DROSHA: variants seen among roughly 807,000 people sequenced by gnomAD.
DROSHA encodes the protein ribonuclease 3.
In DROSHA, 56 loss-of-function variants were observed where a neutral mutation model predicts 181.9. The observed-to-expected ratio is 0.31, with a 90% CI of 0.25 to 0.38. DROSHA has a LOEUF of 0.38. Among genes scored for constraint, DROSHA ranks in the 10% least tolerant of loss-of-function variants. The pLI is 1.00. For missense variants in DROSHA, 1,218 were observed against 1,743.5 expected (o/e 0.70, Z 5.37); for synonymous variants, 524 against 591.2 (o/e 0.89, Z 1.65).
At position 31,514,945 on chromosome 5, in the gene DROSHA, CG is replaced by C. The variant is rs775572766; in HGVS notation, c.1290+42del. ...CCCCAAAGGCCAATAGTGACAACGC[CG>C]AGAAGCCCTAGTCTACAGCTTGTCT... On this transcript the variant is annotated intron_variant, in intron 8 of 35. Coordinates refer to ENST00000344624, the MANE Select transcript of DROSHA (RefSeq NM_001382508.1). The surrounding 1 kb of genome is among the most constrained non-coding windows in gnomAD (Gnocchi z 4.4). 30 of 1,581,338 alleles carry C rather than the reference CG, an allele frequency of 1.9e-5. No homozygotes were observed. The highest frequency in any genetic ancestry group is 2.6e-5 in the Non-Finnish European group (30 of 1,157,120).
intron 34 of DROSHA, 30 bp from the exon 35 acceptor site, chr5:31,405,753 T>A: frequency 8.0e-7 from 1 of 1,246,624 alleles, no homozygotes; most frequent in South Asian, 1.5e-5. Flanking sequence ...AAGACATACT[T>A]TAATTTCAAG....
chr5:31,456,599 C>T (rs185368205), intron 20 of DROSHA, among the ~76,000 whole-genome samples: 70 of 151,862 alleles, frequency 4.6e-4, no homozygotes, highest in African/African-American at 1.6e-3. Flanking sequence ...CAAGCCTTCC[C>T]GAATACAAAG....
chr5:31,431,115 A>G (rs1744123855), intron 26 of DROSHA, among the ~76,000 whole-genome samples: 1 of 152,220 alleles, frequency 6.6e-6, no homozygotes, highest in Non-Finnish European at 1.5e-5. Context: ...ACAGTTATAC[A>G]GACTCAAACC....
intron 11 of DROSHA, among the ~76,000 whole-genome samples, chr5:31,504,328 T>A (rs1737655279): frequency 6.6e-6 from 1 of 152,178 alleles, no homozygotes; most frequent in Non-Finnish European, 1.5e-5. Flanking sequence ...CATGCCTATT[T>A]TAAATAATAA....
chr5:31,494,800 G>A (rs886377872), intron 12 of DROSHA, among the ~76,000 whole-genome samples: 5 of 151,440 alleles, frequency 3.3e-5, no homozygotes, highest in Admixed American at 6.6e-5. Flanking sequence ...TCAGCCTCCC[G>A]AGTAGCTGGG....
chr5:31,433,585 C>G (rs1744439771), intron 25 of DROSHA, among the ~76,000 whole-genome samples: 1 of 152,086 alleles, frequency 6.6e-6, no homozygotes, highest in Non-Finnish European at 1.5e-5. Context: ...TGCTCTGTTG[C>G]CCAGGCTGGA....
intron 12 of DROSHA, among the ~76,000 whole-genome samples, chr5:31,493,961 G>C (rs1411667758): frequency 2.0e-5 from 3 of 148,838 alleles, no homozygotes; most frequent in African/African-American, 5.2e-5. Context: ...GTGTGTGTGT[G>C]TGTGTGTGTG....
chr5:31,484,938 G>A lies in DROSHA; in HGVS notation c.1939C>T (p.Leu647Phe). Residue 647 changes from leucine (L) to phenylalanine (F), a missense_variant, in exon 15 of 36, where the codon CTC becomes TTC. This residue lies in a region of DROSHA where 460 missense variants were observed against 774.2 expected (regional missense o/e 0.59). Coordinates refer to ENST00000344624, the MANE Select transcript of DROSHA (RefSeq NM_001382508.1). ...PENFCVKGLE[L>F]FSLFLFRDIL... is the part of the protein sequence containing the mutation. ...TCTCTGAATAGGAACAGTGAAAAGAGTTCAAGCCCTTTCACACAAAAATTC... is the reference window on the plus strand; with the variant it reads ...TCTCTGAATAGGAACAGTGAAAAGAATTCAAGCCCTTTCACACAAAAATTC... 1 of 1,544,346 alleles carries A rather than the reference G, an allele frequency of 6.5e-7. No individual in the cohort carries two copies. The highest frequency in any genetic ancestry group is 8.7e-7 in the Non-Finnish European group (1 of 1,145,274).
intron 29 of DROSHA, 141 bp from the exon 30 acceptor site, chr5:31,421,518 C>T: frequency 1.5e-6 from 1 of 661,840 alleles, no homozygotes; most frequent in Admixed American, 2.7e-5. Context: ...ATACAATTCC[C>T]TAAGGCCCCT....
intron 23 of DROSHA, among the ~76,000 whole-genome samples, chr5:31,447,927 A>T (rs1329412125): frequency 6.6e-6 from 1 of 152,240 alleles, no homozygotes; most frequent in Non-Finnish European, 1.5e-5. Flanking sequence ...TGGTACAGCC[A>T]CTTCAGAAAA....
chr5:31,410,581 A>G (rs1489341784), intron 31 of DROSHA, among the ~76,000 whole-genome samples, 165 bp downstream of exon 31: 2 of 152,268 alleles, frequency 1.3e-5, no homozygotes, highest in Non-Finnish European at 2.9e-5. Flanking sequence ...TCTTAGTTTC[A>G]AATTATTTTC....
chr5:31,480,590 G>C (rs925599626), intron 16 of DROSHA, among the ~76,000 whole-genome samples: 4 of 152,044 alleles, frequency 2.6e-5, no homozygotes, highest in Non-Finnish European at 5.9e-5. Context: ...CAGTATTTAT[G>C]TTATAGTTCA....
chr5:31,470,262 T>C lies in DROSHA; in HGVS notation c.2241+1801A>G, dbSNP rs1749583126. 6.6e-6 allele frequency among the ~76,000 whole-genome samples: 1 copy of C among 152,176 alleles called. No homozygotes were observed. The highest frequency in any genetic ancestry group is 6.5e-5 in the Admixed American group (1 of 15,272). ...CCAATAATTTCTACAATTTCTCAAT[T>C]CCTCAGAGATCTTACTGTTTAGGAA... On this transcript the variant is annotated intron_variant, in intron 17 of 35. Transcript: ENST00000344624. The surrounding 1 kb of genome is among the most constrained non-coding windows in gnomAD (Gnocchi z 4.0).
In DROSHA at chr5:31,472,224, T is replaced by C; in HGVS notation, c.2080A>G (p.Lys694Glu). The change falls in exon 17 of 36, where the codon AAG becomes GAG. Residue 694 changes from lysine to glutamate, a missense_variant. Lys to Glu is a moderately conservative substitution (Grantham distance 56, BLOSUM62 1). This residue lies in a region of DROSHA where 460 missense variants were observed against 774.2 expected (regional missense o/e 0.59). Transcript: ENST00000344624. ...RFVRFLPDGGKEVLSMHQILL... is the reference protein window; with the variant it reads ...RFVRFLPDGGEEVLSMHQILL... ...ATCTGGTGCATGGACAGCACTTCCT[T>C]TCCTCCATCTTGGGTGGGAATGGGA... 6.2e-7 allele frequency: 1 copy of C among 1,605,180 alleles called. No homozygotes were observed. The highest frequency in any genetic ancestry group is 1.1e-5 in the South Asian group (1 of 89,532).
intron 27 of DROSHA, among the ~76,000 whole-genome samples, chr5:31,428,181 G>A (rs964039112): frequency 6.7e-6 from 1 of 149,750 alleles, no homozygotes; most frequent in Non-Finnish European, 1.5e-5. Context: ...ACAGACTGAT[G>A]CAATTAAAGA....
At position 31,451,547 on chromosome 5, in the gene DROSHA, G is replaced by A. The variant is rs267600599; in HGVS notation, c.2668C>T (p.Arg890Cys). 2 of 1,610,816 alleles carry A rather than the reference G, an allele frequency of 1.2e-6. No individual in the cohort carries two copies. The highest frequency in any genetic ancestry group is 1.7e-6 in the Non-Finnish European group (2 of 1,178,462). ...ATAATTCTTACCTGCAACAGACAAC[G>A]ATCTTGGAAAGTATATCCTATCAAC... is the stretch of plus-strand genomic sequence containing the variant. ...DKLIGYTFQD[R>C]CLLQLAMTHP... Residue 890 changes from arginine to cysteine, a missense_variant, in exon 21 of 36, where the codon CGT becomes TGT. Physicochemically the swap from Arg to Cys is radical, Grantham distance 180. This residue lies in a region of DROSHA where 460 missense variants were observed against 774.2 expected (regional missense o/e 0.59). Coordinates refer to ENST00000344624, the MANE Select transcript of DROSHA (RefSeq NM_001382508.1).
chr5:31,523,280 A>G (rs1289778076), intron 5 of DROSHA, among the ~76,000 whole-genome samples: 2 of 152,246 alleles, frequency 1.3e-5, no homozygotes, highest in Admixed American at 6.5e-5. Flanking sequence ...CAAGCACATT[A>G]TAAAACAACT....
At chr5:31,422,030 T>C (rs112142674) in intron 29 of DROSHA, among the ~76,000 whole-genome samples, 5,471 of 141,790 alleles carry the variant, frequency 0.039, 164 homozygotes, top group East Asian at 0.17. Flanking sequence ...GGTCAAGGGC[T>C]GCAGTGAGCC....
chr5:31,502,058 C>T (rs6876857), intron 11 of DROSHA, among the ~76,000 whole-genome samples: 4,055 of 152,346 alleles, frequency 0.027, 177 homozygotes, highest in African/African-American at 0.093. Flanking sequence ...ACAATTATTG[C>T]ATCTTCCACC....
Sources: gnomAD v4.1 joint callset for allele counts (sites outside exome capture counted in the v4.1 genomes callset) on GRCh38, gnomAD v4.1.1 for gene constraint, gnomAD v4.1.1 regional missense constraint, Gnocchi (gnomAD v3.1) non-coding constraint, MANE v1.5 for transcripts, NCBI Gene and HGNC (gene_info 2026-07-23, HGNC 2026-07-21) for gene names.